The following SIRT5 variants were observed in gnomAD, a reference collection of about 807,000 sequenced individuals.
The protein encoded by SIRT5 is sirtuin 5.
Under a neutral mutation model 40.0 loss-of-function variants are expected in SIRT5, and 26 were observed. That is an observed-to-expected ratio of 0.65 (90% CI 0.48 to 0.90). The LOEUF (loss-of-function observed/expected upper bound fraction) is 0.90. Among genes scored for constraint, SIRT5 ranks in the 40% least tolerant of loss-of-function variants. The pLI, the probability that SIRT5 is intolerant of heterozygous loss-of-function variation, is 0.00. For missense variants in SIRT5, 401 were observed against 402.4 expected (o/e 1.00, Z 0.03); for synonymous variants, 146 against 149.1 (o/e 0.98, Z 0.15).
chr6:13,611,763 C>G (rs757627472), intron 9 of SIRT5, 27 bp from the exon 10 acceptor site: 2 of 1,549,908 alleles, frequency 1.3e-6, no homozygotes, highest in Non-Finnish European at 1.8e-6. Flanking sequence ...TAGTTCAAAA[C>G]TGCTGTATTT....
chr6:13,606,594 A>T (rs1763141787), intron 9 of SIRT5, among the ~76,000 whole-genome samples: 1 of 152,192 alleles, frequency 6.6e-6, no homozygotes, highest in African/African-American at 2.4e-5. Context: ...AAGCCACTGA[A>T]AACAAGACTA....
At chr6:13,578,081 A>G (rs894909468) in intron 1 of SIRT5, among the ~76,000 whole-genome samples, 1 of 152,120 alleles carries the variant, frequency 6.6e-6, no homozygotes, top group Non-Finnish European at 1.5e-5. Context: ...TTTGTCCTCC[A>G]TTTTGTTAAT....
chr6:13,597,702 C>G (rs141549862), intron 7 of SIRT5, among the ~76,000 whole-genome samples: 1 of 152,052 alleles, frequency 6.6e-6, no homozygotes, highest in Non-Finnish European at 1.5e-5. Context: ...CCCGCCACCA[C>G]GCCTGGCTAT....
At chr6:13,588,782 C>T (rs1455647229) in intron 4 of SIRT5, among the ~76,000 whole-genome samples, 1 of 152,144 alleles carries the variant, frequency 6.6e-6, no homozygotes, top group Non-Finnish European at 1.5e-5. Context: ...AATTATTGAA[C>T]TCAAGTATGA....
Position 13,612,760 on chromosome 6 carries a change from GAAGA to G in SIRT5, c.*901_*904del, listed in dbSNP as rs950415984. On this transcript the variant is annotated 3_prime_UTR_variant, in exon 10 of 10. Transcript: ENST00000606117. The stretch of plus-strand genomic sequence containing the variant: ...CCAACAAGGTAGAACATCACGATGA[GAAGA>G]AAGAATGATGCAAATATGTGGACCC... 6.6e-6 allele frequency: 1 copy of G among 152,272 alleles called. No individual in the cohort carries two copies. The highest frequency in any genetic ancestry group is 2.4e-5 in the African/African-American group (1 of 41,444). 9.4% of individuals were successfully genotyped at this position (152,272 alleles called of 1,614,324 possible).
chr6:13,598,983 A>C, intron 7 of SIRT5, 49 bp from the exon 8 acceptor site: 1 of 1,605,236 alleles, frequency 6.2e-7, no homozygotes. Context: ...CCTCCGATCC[A>C]GCTGGGCAGA....
intron 9 of SIRT5, 30 bp from the exon 10 acceptor site, chr6:13,611,760 A>T (rs1273689772): frequency 1.3e-6 from 2 of 1,552,434 alleles, no homozygotes; most frequent in Admixed American, 1.7e-5. Context: ...CTGTAGTTCA[A>T]AACTGCTGTA....
At chr6:13,586,904 G>T (rs1344932943) in intron 3 of SIRT5, among the ~76,000 whole-genome samples, 2 of 152,112 alleles carry the variant, frequency 1.3e-5, no homozygotes, top group Non-Finnish European at 2.9e-5. Context: ...TAATATTTAA[G>T]CTCACCATCT....
intron 9 of SIRT5, among the ~76,000 whole-genome samples, chr6:13,608,097 A>G (rs949642268): frequency 3.9e-5 from 6 of 152,164 alleles, no homozygotes; most frequent in Non-Finnish European, 7.4e-5. Context: ...CTACCATATC[A>G]TTGTTTAAAA....
chr6:13,595,495 G>A lies in SIRT5; in HGVS notation c.494G>A (p.Arg165Gln), dbSNP rs1016909428. The A allele has an allele frequency of 4.3e-6, 7 of 1,613,862 alleles. No individual in the cohort carries two copies. The highest frequency in any genetic ancestry group is 2.2e-5 in the East Asian group (1 of 44,888). ...TTTTCAGGTAGCTTATTTAAAACTC[G>A]ATGTACCTCTTGTGGAGTTGTGGCT... ...LEIHGSLFKT[R>Q]CTSCGVVAEN... Residue 165 changes from arginine (R) to glutamine (Q), a missense_variant, in exon 6 of 10, where the codon CGA becomes CAA. Arg to Gln is a conservative substitution (Grantham distance 43). Transcript: ENST00000606117.
At chr6:13,608,021 A>C (rs1763347269) in intron 9 of SIRT5, among the ~76,000 whole-genome samples, 1 of 152,152 alleles carries the variant, frequency 6.6e-6, no homozygotes, top group Non-Finnish European at 1.5e-5. Flanking sequence ...CAAGCTCCTA[A>C]AAGTGCTGGG....
At chr6:13,608,234 A>AT (rs1763376324) in intron 9 of SIRT5, among the ~76,000 whole-genome samples, 1 of 152,190 alleles carries the variant, frequency 6.6e-6, no homozygotes, top group African/African-American at 2.4e-5. Context: ...TTGAACTTGT[A>AT]TTTCCATTCT....
intron 2 of SIRT5, among the ~76,000 whole-genome samples, chr6:13,581,049 A>G (rs1379524143): frequency 6.6e-6 from 1 of 152,210 alleles, no homozygotes; most frequent in Non-Finnish European, 1.5e-5. Flanking sequence ...AGTTCTCATT[A>G]TACCATTTAC....
At chr6:13,602,707 A>G (rs182489430) in intron 9 of SIRT5, among the ~76,000 whole-genome samples, 1 of 152,352 alleles carries the variant, frequency 6.6e-6, no homozygotes, top group African/African-American at 2.4e-5. Context: ...GTCTTTTTCA[A>G]GAAATAGTGC....
chr6:13,596,987 T>G lies in SIRT5; in HGVS notation c.588T>G (p.Asp196Glu), dbSNP rs1184531246. 6.2e-7 allele frequency: 1 copy of G among 1,612,410 alleles called. No individual in the cohort carries two copies. The highest frequency in any genetic ancestry group is 8.5e-7 in the Non-Finnish European group (1 of 1,179,696). Residue 196 changes from aspartate to glutamate, a missense_variant, in exon 7 of 10, where the codon GAT becomes GAG. Physicochemically the swap from Asp to Glu is conservative, Grantham distance 45. Coordinates refer to ENST00000606117, the MANE Select transcript of SIRT5 (RefSeq NM_012241.5). ...GTGCTCCAGAACCTGGAACTCAAGA[T>G]GCCAGCATCCCAGTTGAGAAACTTC... is the stretch of plus-strand genomic sequence containing the variant. ...GKGAPEPGTQ[D>E]ASIPVEKLPR... is the part of the protein sequence containing the mutation.
chr6:13,588,513 A>G (rs750852483), intron 4 of SIRT5, 49 bp downstream of exon 4: 4 of 1,586,140 alleles, frequency 2.5e-6, no homozygotes, highest in Admixed American at 3.7e-5. Context: ...ATGAAACCAT[A>G]ACAGAGTTTG....
intron 5 of SIRT5, among the ~76,000 whole-genome samples, chr6:13,593,219 A>C (rs187130116): frequency 8.1e-4 from 123 of 152,260 alleles, no homozygotes; most frequent in African/African-American, 2.7e-3. Context: ...CCAAAAATGC[A>C]TTTCTAAGTG....
Position 13,599,128 on chromosome 6 carries a change from G to A in SIRT5, c.714G>A (p.Glu238=), listed in dbSNP as rs777717047. 2 of 1,613,930 alleles carry A rather than the reference G, an allele frequency of 1.2e-6. No individual in the cohort carries two copies. Among genetic ancestry groups the A allele is most frequent in the Non-Finnish European group, 1.7e-6 (2 of 1,179,980 alleles). Residue 238 remains glutamate (E), a synonymous_variant, in exon 8 of 10, where the codon GAG becomes GAA. Coordinates refer to ENST00000606117, the MANE Select transcript of SIRT5 (RefSeq NM_012241.5). Reference sequence around the variant, plus strand: ...CCATTCTGGAGGAGGTTGACAGAGAGCTCGCCCACTGTGATTTATGTCTAG... The same window carrying A: ...CCATTCTGGAGGAGGTTGACAGAGAACTCGCCCACTGTGATTTATGTCTAG... ...DPAILEEVDR[E]LAHCDLCLVV... is the part of the protein sequence containing the mutation.
At chr6:13,588,302 T>A (rs1760346199) in intron 3 of SIRT5, 29 bp from the exon 4 acceptor site, 1 of 1,608,284 alleles carries the variant, frequency 6.2e-7, no homozygotes, top group South Asian at 1.1e-5. Context: ...AACTGTACAC[T>A]GGATTGATAA....
Sources: gnomAD v4.1 joint callset for allele counts (sites outside exome capture counted in the v4.1 genomes callset) on GRCh38, gnomAD v4.1.1 for gene constraint, MANE v1.5 for transcripts, NCBI Gene and HGNC (gene_info 2026-07-23, HGNC 2026-07-21) for gene names.